The following POLR3B variants were observed in gnomAD, a reference collection of about 807,000 sequenced individuals.
The protein encoded by POLR3B is DNA-directed RNA polymerase III subunit RPC2.
Under a neutral mutation model 147.4 loss-of-function variants are expected in POLR3B, and 96 were observed. The ratio of observed to expected loss-of-function variants is 0.65; its 90% CI spans 0.55 to 0.77. The LOEUF (loss-of-function observed/expected upper bound fraction) is 0.77. Ranked by LOEUF, POLR3B falls within the 30% of genes least tolerant of loss-of-function variation. The probability of loss-of-function intolerance (pLI) is 0.00; values close to 1 mark genes in which losing one functional copy is unlikely to be tolerated. For synonymous variants in POLR3B, 461 were observed against 485.9 expected (o/e 0.95, Z 0.67); for missense variants, 1,036 against 1,413.5 (o/e 0.73, Z 4.28).
chr12:106,381,365 G>T (rs2036760960), intron 9 of POLR3B, among the ~76,000 whole-genome samples: 1 of 152,190 alleles, frequency 6.6e-6, no homozygotes, highest in African/African-American at 2.4e-5. Context: ...GGAGTCAGTT[G>T]TCTTAAACCC....
At chr12:106,369,208 A>G (rs2036570971) in intron 4 of POLR3B, 67 bp from the exon 5 acceptor site, 1 of 852,476 alleles carries the variant, frequency 1.2e-6, no homozygotes, top group Admixed American at 1.7e-5. Flanking sequence ...TTTGGAAGGA[A>G]AATAGCTTGT....
chr12:106,376,312 C>T (rs771622256), intron 6 of POLR3B, 47 bp from the exon 7 acceptor site: 28 of 1,317,018 alleles, frequency 2.1e-5, no homozygotes, highest in Non-Finnish European at 2.2e-5. Context: ...CAGCTTTTAT[C>T]ATTGACAGCC....
intron 24 of POLR3B, 121 bp from the exon 25 acceptor site, chr12:106,496,631 G>T: frequency 1.2e-6 from 1 of 854,578 alleles, no homozygotes. Context: ...CTTAAATACT[G>T]CTTCTATTAA....
At chr12:106,491,741 C>T (rs1444159592) in intron 23 of POLR3B, among the ~76,000 whole-genome samples, 1 of 152,174 alleles carries the variant, frequency 6.6e-6, no homozygotes, top group African/African-American at 2.4e-5. Context: ...TCAATATTCA[C>T]TCAGATGACT....
intron 19 of POLR3B, among the ~76,000 whole-genome samples, chr12:106,449,859 TA>T (rs1243214350): frequency 1.3e-5 from 2 of 152,184 alleles, no homozygotes; most frequent in Non-Finnish European, 1.5e-5. Context: ...GGGAATATAG[TA>T]AGTCATGTTT....
At chr12:106,388,488 T>A (rs1203741709) in intron 9 of POLR3B, among the ~76,000 whole-genome samples, 1 of 152,150 alleles carries the variant, frequency 6.6e-6, no homozygotes, top group Non-Finnish European at 1.5e-5. Context: ...CAGCTAATTT[T>A]TGTATCTTTA....
intron 23 of POLR3B, among the ~76,000 whole-genome samples, chr12:106,469,790 T>C (rs1342719082): frequency 6.6e-6 from 1 of 152,260 alleles, no homozygotes; most frequent in African/African-American, 2.4e-5. Flanking sequence ...TACTCTCTTC[T>C]GGCTTGTAGG....
chr12:106,405,544 A>ACACG (rs1358885894), intron 10 of POLR3B, among the ~76,000 whole-genome samples: 1 of 95,052 alleles, frequency 1.1e-5, no homozygotes, highest in Admixed American at 9.6e-5. Flanking sequence ...ATGTCTACAC[A>ACACG]CACACACACA....
chr12:106,390,131 T>G (rs999903487), intron 9 of POLR3B, among the ~76,000 whole-genome samples: 1 of 150,910 alleles, frequency 6.6e-6, no homozygotes, highest in Non-Finnish European at 1.5e-5. Flanking sequence ...GGCAAGAGAA[T>G]CACTTGAATC....
At chr12:106,390,269 C>CT (rs2036897167) in intron 9 of POLR3B, among the ~76,000 whole-genome samples, 1 of 93,996 alleles carries the variant, frequency 1.1e-5, no homozygotes, top group African/African-American at 4.7e-5. Flanking sequence ...ACTCTCTCCC[C>CT]CCCCAGTTTT....
At chr12:106,397,489 A>C (rs905446852) in intron 10 of POLR3B, among the ~76,000 whole-genome samples, 3 of 152,138 alleles carry the variant, frequency 2.0e-5, no homozygotes, top group Non-Finnish European at 4.4e-5. Context: ...CAATTACAGA[A>C]CTTTATATAT....
intron 23 of POLR3B, among the ~76,000 whole-genome samples, chr12:106,494,243 T>G (rs2137071724): frequency 6.6e-6 from 1 of 152,308 alleles, no homozygotes; most frequent in South Asian, 2.1e-4. Flanking sequence ...ATCTCTCTCC[T>G]TACCCACCCC....
intron 1 of POLR3B, chr12:106,358,194 G>T (rs1235829712): frequency 7.0e-7 from 1 of 1,425,292 alleles, no homozygotes; most frequent in Non-Finnish European, 9.1e-7. Context: ...CCCGCTGCTG[G>T]CTCTAGGGTT....
chr12:106,357,784 C>A lies in POLR3B; in HGVS notation c.-96C>A. 2 of 1,231,232 alleles carry A rather than the reference C, an allele frequency of 1.6e-6. No individual in the cohort carries two copies. The highest frequency in any genetic ancestry group is 2.3e-6 in the Non-Finnish European group (2 of 856,226). 76.3% of individuals were successfully genotyped at this position (1,231,232 alleles called of 1,614,324 possible). On this transcript the variant is annotated 5_prime_UTR_variant, in exon 1 of 28. Coordinates refer to ENST00000228347, the MANE Select transcript of POLR3B (RefSeq NM_018082.6). The stretch of plus-strand genomic sequence containing the variant: ...ACACGCACGGCGGGGACAGTTTAGG[C>A]CTCCGCGCACCGTTCGCCGGGAGTC...
chr12:106,443,560 C>T (rs750574371), intron 18 of POLR3B, among the ~76,000 whole-genome samples: 5 of 151,896 alleles, frequency 3.3e-5, no homozygotes, highest in Admixed American at 6.6e-5. Flanking sequence ...CTCTGTTGCC[C>T]GGGCTGGAGT....
intron 22 of POLR3B, 138 bp from the exon 23 acceptor site, chr12:106,463,340 A>T (rs1266410721): frequency 4.2e-6 from 3 of 708,838 alleles, no homozygotes; most frequent in Admixed American, 5.4e-5. Flanking sequence ...TGTTAAAAAA[A>T]TTGAAGTCAT....
intron 19 of POLR3B, among the ~76,000 whole-genome samples, chr12:106,452,754 A>G (rs1292297925): frequency 6.6e-6 from 1 of 152,198 alleles, no homozygotes; most frequent in Non-Finnish European, 1.5e-5. Context: ...ACATAAATCA[A>G]TTGGCAATTT....
At chr12:106,484,777 G>A (rs542592275) in intron 23 of POLR3B, among the ~76,000 whole-genome samples, 1 of 152,198 alleles carries the variant, frequency 6.6e-6, no homozygotes, top group Admixed American at 6.5e-5. Flanking sequence ...AAAGGAGCCA[G>A]CCGAGCAAAA....
chr12:106,389,601 G>GTTT (rs111478237), intron 9 of POLR3B, among the ~76,000 whole-genome samples: 2 of 147,996 alleles, frequency 1.4e-5, no homozygotes, highest in Non-Finnish European at 1.5e-5. Flanking sequence ...AGGATTTCAG[G>GTTT]TTTTTTTTTT....
Sources: gnomAD v4.1 joint callset for allele counts (sites outside exome capture counted in the v4.1 genomes callset) on GRCh38, gnomAD v4.1.1 for gene constraint, MANE v1.5 for transcripts, NCBI Gene and HGNC (gene_info 2026-07-23, HGNC 2026-07-21) for gene names.